The following GNAI3 variants were observed in gnomAD, a reference collection of about 807,000 sequenced individuals.
GNAI3 encodes the protein G protein subunit alpha i3.
In GNAI3, 12 loss-of-function variants were observed where a neutral mutation model predicts 41.8. The observed-to-expected ratio is 0.29, with a 90% CI of 0.18 to 0.47. The LOEUF is 0.47. Among genes scored for constraint, GNAI3 ranks in the 20% least tolerant of loss-of-function variants. The pLI, the probability that GNAI3 is intolerant of heterozygous loss-of-function variation, is 1.00. For missense variants in GNAI3, 360 were observed against 429.6 expected, an observed-to-expected ratio of 0.84 and a Z score of 1.43; for synonymous variants, 132 against 146.5, an observed-to-expected ratio of 0.90 and a Z score of 0.71.
intron 4 of GNAI3, among the ~76,000 whole-genome samples, chr1:109,582,169 T>C (rs1202935260): frequency 2.6e-5 from 4 of 152,018 alleles, no homozygotes; most frequent in African/African-American, 4.8e-5. Context: ...TTTTAAAATA[T>C]TTTGTAAAGA....
chr1:109,583,891 A>G (rs970559696), intron 5 of GNAI3, among the ~76,000 whole-genome samples: 2 of 148,598 alleles, frequency 1.3e-5, no homozygotes, highest in African/African-American at 5.1e-5. Flanking sequence ...ACACCCAGCA[A>G]CATTAGTAAT....
At chr1:109,581,061 T>C (rs1648877169) in intron 4 of GNAI3, among the ~76,000 whole-genome samples, 1 of 152,182 alleles carries the variant, frequency 6.6e-6, no homozygotes, top group African/African-American at 2.4e-5. Context: ...CATGTGCTTA[T>C]AGAGATTTTC....
chr1:109,552,098 G>T (rs971594481), intron 1 of GNAI3, among the ~76,000 whole-genome samples: 1 of 151,838 alleles, frequency 6.6e-6, no homozygotes, highest in Non-Finnish European at 1.5e-5. Context: ...GGAGGTGGAG[G>T]TTGCAGTGAG....
chr1:109,555,436 G>A (rs772258794), intron 1 of GNAI3, among the ~76,000 whole-genome samples: 1 of 152,112 alleles, frequency 6.6e-6, no homozygotes, highest in Non-Finnish European at 1.5e-5. Context: ...GTGGCGAAAG[G>A]ACACCCTGTT....
At chr1:109,574,279 G>C (rs1648682502) in intron 3 of GNAI3, among the ~76,000 whole-genome samples, 2 of 150,444 alleles carry the variant, frequency 1.3e-5, no homozygotes, top group Non-Finnish European at 3.0e-5. Flanking sequence ...TGGGATAACT[G>C]TTCTATTCAA....
chr1:109,557,124 C>T (rs566020565), intron 1 of GNAI3, among the ~76,000 whole-genome samples: 9 of 152,146 alleles, frequency 5.9e-5, no homozygotes, highest in African/African-American at 1.9e-4. Flanking sequence ...TTAGTAGAGA[C>T]GGGGTTTCAC....
chr1:109,568,304 C>T (rs552489254), intron 1 of GNAI3, among the ~76,000 whole-genome samples: 17 of 151,932 alleles, frequency 1.1e-4, no homozygotes, highest in South Asian at 8.3e-4. Flanking sequence ...GGAGGTGAGG[C>T]GGGAGGATTG....
At position 109,556,192 on chromosome 1, in the gene GNAI3, C is replaced by T. The variant is rs561668106; in HGVS notation, c.118+7354C>T. On this transcript the variant is annotated intron_variant, in intron 1 of 8. Coordinates refer to ENST00000369851, the MANE Select transcript of GNAI3 (RefSeq NM_006496.4). ...TCGGCCTCCTGAGTAGCTTGGACTACAGGCTAATGCCACCACCGTTGGCTA... is the reference window on the plus strand; with the variant it reads ...TCGGCCTCCTGAGTAGCTTGGACTATAGGCTAATGCCACCACCGTTGGCTA... Among the ~76,000 whole-genome samples the T allele has an allele frequency of 1.1e-4, 17 of 152,146 alleles. No homozygotes were observed. In the South Asian group the frequency reaches 3.3e-3, roughly 30 times the overall value.
Position 109,592,069 on chromosome 1 carries a change from G to C in GNAI3, c.901G>C (p.Ala301Pro). The C allele has an allele frequency of 6.2e-7, 1 of 1,612,246 alleles. No individual in the cohort carries two copies. The highest frequency in any genetic ancestry group is 1.1e-5 in the South Asian group (1 of 90,962). The change falls in exon 8 of 9, where the codon GCC becomes CCC. Residue 301 changes from alanine to proline, a missense_variant. By Grantham distance (27) the Ala-to-Pro change is conservative. Coordinates refer to ENST00000369851, the MANE Select transcript of GNAI3 (RefSeq NM_006496.4). ...TGSNTYEEAAAYIQCQFEDLN... is the reference protein window; with the variant it reads ...TGSNTYEEAAPYIQCQFEDLN... ...TTCCAATACATATGAAGAGGCAGCT[G>C]CCTATATTCAATGCCAGTTTGAAGA...
In GNAI3 at chr1:109,598,851, C is replaced by A. The variant is rs1649377800; in HGVS notation, c.*6529C>A. The A allele has an allele frequency of 1.9e-6, 1 of 532,970 alleles. No individual in the cohort carries two copies. Among genetic ancestry groups the A allele is most frequent in the African/African-American group, 1.9e-5 (1 of 51,914 alleles). 33.0% of individuals were successfully genotyped at this position (532,970 alleles called of 1,614,324 possible). On this transcript the variant is annotated 3_prime_UTR_variant, in exon 9 of 9. Transcript: ENST00000369851. The stretch of plus-strand genomic sequence containing the variant: ...CAGAGGCTCTGTCACACTTGCAGTC[C>A]CTGGCCCAACACCGAAATCCTTCTG...
chr1:109,579,147 C>T (rs990991008), intron 3 of GNAI3, 57 bp from the exon 4 acceptor site: 2 of 1,383,364 alleles, frequency 1.4e-6, no homozygotes, highest in African/African-American at 2.9e-5. Flanking sequence ...AAGAGACTGT[C>T]ATCAAGTCTT....
intron 1 of GNAI3, among the ~76,000 whole-genome samples, chr1:109,555,084 A>G (rs1648104587): frequency 6.6e-6 from 1 of 152,238 alleles, no homozygotes; most frequent in Non-Finnish European, 1.5e-5. Flanking sequence ...TAGAATCAAT[A>G]TTGTGAAAAT....
chr1:109,587,746 G>A (rs1432578628), intron 7 of GNAI3, among the ~76,000 whole-genome samples: 1 of 152,142 alleles, frequency 6.6e-6, no homozygotes, highest in African/African-American at 2.4e-5. Context: ...ATATCATGGG[G>A]TGCATGATAT....
intron 3 of GNAI3, 58 bp downstream of exon 3, chr1:109,574,095 A>G: frequency 7.2e-7 from 1 of 1,382,310 alleles, no homozygotes; most frequent in Non-Finnish European, 9.9e-7. Context: ...AGTTAAGTTA[A>G]GCAAAATTTT....
intron 3 of GNAI3, among the ~76,000 whole-genome samples, chr1:109,574,510 A>G (rs1648686362): frequency 6.6e-6 from 1 of 152,150 alleles, no homozygotes; most frequent in Non-Finnish European, 1.5e-5. Flanking sequence ...AATACTGTAT[A>G]CTACATGGAA....
chr1:109,569,812 G>GT lies in GNAI3; in HGVS notation c.119-3914dup, dbSNP rs199959502. 3.3e-3 allele frequency among the ~76,000 whole-genome samples: 476 copies of GT among 145,224 alleles called. 5 individuals carry two copies. The highest frequency in any genetic ancestry group is 0.025 in the East Asian group (127 of 5,014). The stretch of plus-strand genomic sequence containing the variant: ...GAGGTAGGGCAACAGAGGGTTTTTT[G>GT]TTTTTTTTTTTAATCAGCGCATCCA... On this transcript the variant is annotated intron_variant, in intron 1 of 8. Transcript: ENST00000369851.
chr1:109,591,646 T>A (rs1649174955), intron 7 of GNAI3: 5 of 415,994 alleles, frequency 1.2e-5, no homozygotes, highest in Admixed American at 4.2e-5. Context: ...AGCACTACCC[T>A]GTTGAATTTT....
In GNAI3 at chr1:109,579,310, A is replaced by G; in HGVS notation, c.410A>G (p.Gln137Arg). Residue 137 changes from glutamine to arginine, a missense_variant, in exon 4 of 9, where the codon CAA (glutamine) becomes CGA (arginine). Transcript: ENST00000369851. ...CGGTTATGGCGAGATGGTGGGGTAC[A>G]AGCTTGCTTCAGCAGATCCAGGGAA... ...IKRLWRDGGV[Q>R]ACFSRSREYQ... The G allele has an allele frequency of 6.2e-7, 1 of 1,613,880 alleles. No individual in the cohort carries two copies. Among genetic ancestry groups the G allele is most frequent in the Non-Finnish European group, 8.5e-7 (1 of 1,179,784 alleles).
chr1:109,555,963 C>CGTGCGTGCGTGCGTGCGT (rs1163257606), intron 1 of GNAI3, among the ~76,000 whole-genome samples: 18 of 144,532 alleles, frequency 1.2e-4, no homozygotes, highest in African/African-American at 3.9e-4. Context: ...TGCGTGCGTG[C>CGTGCGTGCGTGCGTGCGT]GTGTGTGTGT....
Sources: gnomAD v4.1 joint callset for allele counts (sites outside exome capture counted in the v4.1 genomes callset) on GRCh38, gnomAD v4.1.1 for gene constraint, MANE v1.5 for transcripts, NCBI Gene and HGNC (gene_info 2026-07-23, HGNC 2026-07-21) for gene names.